Variants in PRMT3 observed in about 807,000 individuals in gnomAD.
PRMT3 encodes protein arginine N-methyltransferase 3.
In PRMT3, 62 loss-of-function variants were observed where a neutral mutation model predicts 71.9. The observed-to-expected ratio is 0.86, with a 90% CI of 0.70 to 1.07. The LOEUF is 1.07. Ranked by LOEUF, PRMT3 falls within the 50% of genes least tolerant of loss-of-function variation. The pLI is 0.00. For synonymous variants in PRMT3, 213 were observed against 220.4 expected (o/e 0.97, Z 0.30); for missense variants, 663 against 643.0 (o/e 1.03, Z -0.34).
At chr11:20,501,816 T>C (rs1480732311) in intron 15 of PRMT3, among the ~76,000 whole-genome samples, 2 of 152,200 alleles carry the variant, frequency 1.3e-5, no homozygotes, top group Non-Finnish European at 2.9e-5. Flanking sequence ...GGCAGTACTT[T>C]AAAATTCAAA....
intron 9 of PRMT3, among the ~76,000 whole-genome samples, chr11:20,419,673 C>A (rs1373252304): frequency 6.6e-6 from 1 of 152,036 alleles, no homozygotes; most frequent in Admixed American, 6.5e-5. Flanking sequence ...CAGTTTTGTT[C>A]CTTTTTTTGG....
Position 20,392,348 on chromosome 11 carries a change from T to C in PRMT3, c.297+88T>C, listed in dbSNP as rs1848732903. The C allele has an allele frequency of 2.2e-6, 3 of 1,342,582 alleles. No homozygotes were observed. The South Asian group carries it at 4.2e-5, about 19-fold the overall frequency. The allele number at this position is 1,342,582 out of a possible 1,614,324, so 83.2% of individuals were successfully genotyped here. A position where few individuals can be genotyped will look rare whatever the true frequency, so the allele number is the denominator to read the frequency against. ...AGTGTACTGATTATTTAAAAGAATA[T>C]GAGGAACTGCATTAAATTTGGTACT... On this transcript the variant is annotated intron_variant, in intron 4 of 15. Coordinates refer to ENST00000331079, the MANE Select transcript of PRMT3 (RefSeq NM_005788.4).
At chr11:20,432,437 CA>C (rs759237237) in intron 10 of PRMT3, among the ~76,000 whole-genome samples, 2 of 152,050 alleles carry the variant, frequency 1.3e-5, no homozygotes, top group African/African-American at 4.8e-5. Flanking sequence ...ATATATGTCA[CA>C]TTTTTTTTGT....
intron 11 of PRMT3, among the ~76,000 whole-genome samples, chr11:20,454,484 A>C (rs926263940): frequency 2.0e-4 from 30 of 152,236 alleles, no homozygotes; most frequent in African/African-American, 6.8e-4. Flanking sequence ...TAATATTAGT[A>C]TTAAGATAAT....
chr11:20,498,734 G>GA (rs1005902238), intron 15 of PRMT3, among the ~76,000 whole-genome samples: 6 of 151,476 alleles, frequency 4.0e-5, no homozygotes, highest in Admixed American at 1.3e-4. Flanking sequence ...TGTCTAGAAG[G>GA]AAAAAAAAGA....
intron 10 of PRMT3, among the ~76,000 whole-genome samples, chr11:20,439,383 T>C (rs1158000900): frequency 1.3e-5 from 2 of 152,188 alleles, no homozygotes; most frequent in Non-Finnish European, 2.9e-5. Flanking sequence ...TCCCTTTCAT[T>C]CTCAATGTGG....
intron 10 of PRMT3, among the ~76,000 whole-genome samples, chr11:20,436,820 C>G (rs1849771510): frequency 6.6e-6 from 1 of 151,818 alleles, no homozygotes; most frequent in Non-Finnish European, 1.5e-5. Flanking sequence ...GGAAGAAATC[C>G]CCCCTCTTGA....
chr11:20,437,929 T>G (rs1849798934), intron 10 of PRMT3, among the ~76,000 whole-genome samples: 1 of 152,146 alleles, frequency 6.6e-6, no homozygotes, highest in Non-Finnish European at 1.5e-5. Context: ...TGCAGCAGTT[T>G]GGGAGATCCT....
intron 15 of PRMT3, among the ~76,000 whole-genome samples, chr11:20,504,766 G>C (rs188884947): frequency 3.5e-4 from 52 of 147,426 alleles, no homozygotes; most frequent in Middle Eastern, 3.4e-3. Context: ...CTGAGACTCG[G>C]TCTGTCGCCC....
At chr11:20,396,592 C>T (rs956585076) in intron 6 of PRMT3, among the ~76,000 whole-genome samples, 5 of 151,922 alleles carry the variant, frequency 3.3e-5, no homozygotes, top group East Asian at 1.9e-4. Context: ...GAGCTGAGAT[C>T]GCACCACTGT....
chr11:20,425,019 AC>A (rs753509846), intron 9 of PRMT3, among the ~76,000 whole-genome samples: 7 of 151,866 alleles, frequency 4.6e-5, no homozygotes, highest in Non-Finnish European at 8.8e-5. Context: ...TGAGAGGATC[AC>A]TTGAGCTTGA....
intron 10 of PRMT3, among the ~76,000 whole-genome samples, chr11:20,438,422 G>A (rs951625417): frequency 6.6e-6 from 1 of 152,094 alleles, no homozygotes; most frequent in African/African-American, 2.4e-5. Flanking sequence ...CCTAAGGGTG[G>A]CAGGTGGCCT....
intron 4 of PRMT3, among the ~76,000 whole-genome samples, 195 bp from the exon 5 acceptor site, chr11:20,392,702 A>T (rs1848742533): frequency 2.6e-5 from 4 of 151,020 alleles, no homozygotes; most frequent in Admixed American, 6.6e-5. Flanking sequence ...AGTAAAAAAA[A>T]CTCTGCGTTG....
chr11:20,389,941 C>T (rs1485384501), intron 3 of PRMT3, 115 bp downstream of exon 3: 9 of 733,884 alleles, frequency 1.2e-5, no homozygotes, highest in South Asian at 7.1e-5. Context: ...CACTTTAGGT[C>T]GGGAGTTCAA....
At chr11:20,480,710 TTACC>T (rs1317813799) in intron 13 of PRMT3, among the ~76,000 whole-genome samples, 4 of 152,050 alleles carry the variant, frequency 2.6e-5, no homozygotes, top group Non-Finnish European at 5.9e-5. Context: ...TGTTCATGAG[TTACC>T]TAAGAGATAA....
At chr11:20,389,935 T>G (rs1848675951) in intron 3 of PRMT3, 109 bp downstream of exon 3, 1 of 772,358 alleles carries the variant, frequency 1.3e-6, no homozygotes, top group South Asian at 1.7e-5. Context: ...GTGGATCACT[T>G]TAGGTCGGGA....
intron 10 of PRMT3, among the ~76,000 whole-genome samples, chr11:20,430,332 A>G (rs544035129): frequency 1.4e-4 from 22 of 152,310 alleles, no homozygotes; most frequent in African/African-American, 5.1e-4. Flanking sequence ...TAGAAATCAT[A>G]TAGCAGAGAT....
chr11:20,390,808 T>C (rs1848696683), intron 3 of PRMT3, among the ~76,000 whole-genome samples: 2 of 152,140 alleles, frequency 1.3e-5, no homozygotes, highest in Admixed American at 6.5e-5. Flanking sequence ...TGAAAACCTT[T>C]GGGAGGCCAA....
At position 20,387,875 on chromosome 11, in the gene PRMT3, G is replaced by T; in HGVS notation, c.28+101G>T. ...CCGGGACACGGGCCCGGGCAGGGTG[G>T]GGGGCTCGCAGGGATCATGAAGGAG... On this transcript the variant is annotated intron_variant, in intron 1 of 15. Coordinates refer to ENST00000331079, the MANE Select transcript of PRMT3 (RefSeq NM_005788.4). This position sits in a 1 kb window ranked among gnomAD's most constrained non-coding sequence, Gnocchi z 4.3. The T allele has an allele frequency of 6.5e-7, 1 of 1,535,794 alleles. No homozygotes were observed. The highest frequency in any genetic ancestry group is 1.4e-5 in the African/African-American group (1 of 73,110).
Sources: allele counts gnomAD v4.1 joint callset (sites outside exome capture counted in the v4.1 genomes callset), GRCh38; gene constraint gnomAD v4.1.1; non-coding constraint Gnocchi (gnomAD v3.1); transcripts MANE v1.5; gene names NCBI Gene and HGNC (gene_info 2026-07-23, HGNC 2026-07-21).